ADAM15: variants seen among roughly 807,000 people sequenced by gnomAD.
ADAM15 encodes disintegrin and metalloproteinase domain-containing protein 15.
ADAM15 carries 77 observed loss-of-function variants against 113.8 expected under a neutral mutation model. The observed-to-expected ratio is 0.68, with a 90% CI of 0.56 to 0.82. The LOEUF is 0.82. ADAM15 is among the 40% of genes least tolerant of loss of function. The pLI, the probability that ADAM15 is intolerant of heterozygous loss-of-function variation, is 0.00. For synonymous variants in ADAM15, 388 were observed against 454.1 expected (o/e 0.85, Z 1.85); for missense variants, 963 against 1,120.1 (o/e 0.86, Z 2.00).
intron 1 of ADAM15, chr1:155,052,399 T>A: frequency 8.6e-7 from 1 of 1,158,368 alleles, no homozygotes; most frequent in Non-Finnish European, 1.2e-6. Context: ...AACCTGGGAT[T>A]GGCCGGAAGG....
chr1:155,059,654 TAAAAC>T (rs954906194), intron 16 of ADAM15, among the ~76,000 whole-genome samples: 5 of 151,890 alleles, frequency 3.3e-5, no homozygotes, highest in African/African-American at 7.3e-5. Context: ...TAAAATAAAA[TAAAAC>T]AAAACAAAAC....
At chr1:155,053,623 G>A (rs1661383212) in intron 3 of ADAM15, 130 bp downstream of exon 3, 1 of 977,754 alleles carries the variant, frequency 1.0e-6, no homozygotes. Flanking sequence ...ATACTATCAT[G>A]TATTATTGTC....
intron 18 of ADAM15, 125 bp downstream of exon 18, chr1:155,060,468 C>T (rs1662421201): frequency 7.4e-7 from 1 of 1,342,452 alleles, no homozygotes; most frequent in Non-Finnish European, 1.0e-6. Flanking sequence ...AAGTTGCTGA[C>T]TGCCATACCC....
chr1:155,051,321 C>T lies in ADAM15; in HGVS notation c.-66C>T, dbSNP rs1261785001. On this transcript the variant is annotated 5_prime_UTR_variant, in exon 1 of 23. Coordinates refer to ENST00000356955, the MANE Select transcript of ADAM15 (RefSeq NM_207197.3). ...GCTGGGTTCTCCGAGGCGACCTGGC[C>T]GCCGGCCGCTCCTCCGCGCGCTGTT... 7.9e-6 allele frequency: 10 copies of T among 1,260,078 alleles called. No homozygotes were observed. The South Asian group carries it at 8.0e-5, about 10-fold the overall frequency. 78.1% of individuals were successfully genotyped at this position (1,260,078 alleles called of 1,614,324 possible).
chr1:155,051,754 C>T (rs1413453099), intron 1 of ADAM15: 2 of 335,494 alleles, frequency 6.0e-6, no homozygotes. Flanking sequence ...CTGTCCAGCG[C>T]CACTTCAAGA....
chr1:155,057,983 G>A lies in ADAM15; in HGVS notation c.1549G>A (p.Ala517Thr). Residue 517 changes from alanine (A) to threonine (T), a missense_variant, in exon 14 of 23, where the codon GCT becomes ACT. Physicochemically the swap from Ala to Thr is moderately conservative, Grantham distance 58 (BLOSUM62 0). Coordinates refer to ENST00000356955, the MANE Select transcript of ADAM15 (RefSeq NM_207197.3). This position sits in a 1 kb window ranked among gnomAD's most constrained non-coding sequence, Gnocchi z 5.0. Reference sequence around the variant, plus strand: ...TGGCGAGCCCTGCGCTGGCGGGCAAGCTGTGTGCATGCACGGGCGTTGTGC... The same window carrying A: ...TGGCGAGCCCTGCGCTGGCGGGCAAACTGTGTGCATGCACGGGCGTTGTGC... Reference protein sequence around the residue: ...GDGEPCAGGQAVCMHGRCASY... With the variant: ...GDGEPCAGGQTVCMHGRCASY... 1 of 1,613,242 alleles carries A rather than the reference G, an allele frequency of 6.2e-7. No individual in the cohort carries two copies. The highest frequency in any genetic ancestry group is 8.5e-7 in the Non-Finnish European group (1 of 1,180,040).
In ADAM15 at chr1:155,056,974, G is replaced by A. The variant is rs1393091761; in HGVS notation, c.1021G>A (p.Gly341Arg). Residue 341 changes from glycine (G) to arginine (R), a missense_variant, in exon 11 of 23, where the codon GGA (glycine) becomes AGA (arginine). Gly to Arg is a moderately radical substitution (Grantham distance 125). Transcript: ENST00000356955. The surrounding 1 kb of genome is among the most constrained non-coding windows in gnomAD (Gnocchi z 4.0). The stretch of plus-strand genomic sequence containing the variant: ...ACAGGACCACTCCACCAGCATCCTG[G>A]GAGTCGCCTCCTCCATAGCCCATGA... ...VNMDHSTSIL[G>R]VASSIAHELG... 6.4e-7 allele frequency: 1 copy of A among 1,573,440 alleles called. No homozygotes were observed. The highest frequency in any genetic ancestry group is 1.2e-5 in the South Asian group (1 of 84,510).
intron 1 of ADAM15, 58 bp downstream of exon 1, chr1:155,051,523 T>C: frequency 6.9e-7 from 1 of 1,448,474 alleles, no homozygotes; most frequent in Non-Finnish European, 9.1e-7. Context: ...TGCAGGAAAG[T>C]CGGAAGGCAT....
rs766782689 is a variant in ADAM15, at chr1:155,062,054, C to A, written c.2424+79C>A. 1.9e-5 allele frequency: 28 copies of A among 1,476,794 alleles called. No homozygotes were observed. In the African/African-American group the frequency reaches 3.4e-4, roughly 18 times the overall value. 91.5% of individuals were successfully genotyped at this position (1,476,794 alleles called of 1,614,324 possible). A position where few individuals can be genotyped will look rare whatever the true frequency, so the allele number is the denominator to read the frequency against. The stretch of plus-strand genomic sequence containing the variant: ...TGCTGGTAGCCATGACGGTGGTGGC[C>A]GTGGCGAGATGCCCCCTCAGTGCAT... On this transcript the variant is annotated intron_variant, in intron 21 of 22. Coordinates refer to ENST00000356955, the MANE Select transcript of ADAM15 (RefSeq NM_207197.3). This position sits in a 1 kb window ranked among gnomAD's most constrained non-coding sequence, Gnocchi z 7.0.
At position 155,058,444 on chromosome 1, in the gene ADAM15, G is replaced by T; in HGVS notation, c.1917+3G>T. 6.2e-7 allele frequency: 1 copy of T among 1,610,354 alleles called. No individual in the cohort carries two copies. On this transcript the variant is annotated splice_donor_region_variant and intron_variant, in intron 15 of 22. Coordinates refer to ENST00000356955, the MANE Select transcript of ADAM15 (RefSeq NM_207197.3). This position sits in a 1 kb window ranked among gnomAD's most constrained non-coding sequence, Gnocchi z 4.3. ...GCACAGCCTGTGGCCCTGGCCTGGT[G>T]AGCAGCCTGGGTGGGCAAGACCAGG... is the stretch of plus-strand genomic sequence containing the variant.
In ADAM15 at chr1:155,051,459, A is replaced by G; in HGVS notation, c.73A>G (p.Asn25Asp). Reference protein sequence around the residue: ...GSPLPSWPLPNIGGTEEQQAE... With the variant: ...GSPLPSWPLPDIGGTEEQQAE... ...CCCTCTGCCTTCCTGGCCGCTCCCAAATATAGGTGAGTCCTCCGCCTGGAG... is the reference window on the plus strand; with the variant it reads ...CCCTCTGCCTTCCTGGCCGCTCCCAGATATAGGTGAGTCCTCCGCCTGGAG... The change falls in exon 1 of 23, where the codon AAT becomes GAT. Residue 25 changes from asparagine (N) to aspartate (D), a missense_variant. Asn to Asp is a conservative substitution (Grantham distance 23). Transcript: ENST00000356955. 2 of 1,565,068 alleles carry G rather than the reference A, an allele frequency of 1.3e-6. No individual in the cohort carries two copies. The highest frequency in any genetic ancestry group is 1.7e-6 in the Non-Finnish European group (2 of 1,160,220).
intron 20 of ADAM15, 68 bp downstream of exon 20, chr1:155,061,557 C>T: frequency 6.7e-7 from 1 of 1,495,116 alleles, no homozygotes; most frequent in Non-Finnish European, 9.2e-7. Context: ...CTGCAGTTCT[C>T]ATCCCTGCTC....
Position 155,056,535 on chromosome 1 carries a change from T to C in ADAM15, c.999+65T>C. On this transcript the variant is annotated intron_variant, in intron 10 of 22. Coordinates refer to ENST00000356955, the MANE Select transcript of ADAM15 (RefSeq NM_207197.3). The surrounding 1 kb of genome is among the most constrained non-coding windows in gnomAD (Gnocchi z 4.0). ...TTCCTCCCAAGTGTGGTGGCATTTA[T>C]GCACTGAAACCCCCCTATAAAGTTG... 1 of 1,518,238 alleles carries C rather than the reference T, an allele frequency of 6.6e-7. No individual in the cohort carries two copies. Among genetic ancestry groups the C allele is most frequent in the Non-Finnish European group, 9.1e-7 (1 of 1,099,940 alleles). The allele number at this position is 1,518,238 out of a possible 1,614,324, so 94.0% of individuals were successfully genotyped here.
In ADAM15 at chr1:155,052,657, C is replaced by T; in HGVS notation, c.80-14C>T. ...TTCCCTCAGTACTGTCTTGGGGTGT[C>T]CTGGGACCTGCAGGTGGCACTGAGG... On this transcript the variant is annotated splice_polypyrimidine_tract_variant and intron_variant, in intron 1 of 22. Coordinates refer to ENST00000356955, the MANE Select transcript of ADAM15 (RefSeq NM_207197.3). 1 of 1,592,522 alleles carries T rather than the reference C, an allele frequency of 6.3e-7. No individual in the cohort carries two copies. The highest frequency in any genetic ancestry group is 8.5e-7 in the Non-Finnish European group (1 of 1,170,402).
chr1:155,056,860 A>G lies in ADAM15; in HGVS notation c.1000-93A>G. On this transcript the variant is annotated intron_variant, in intron 10 of 22. Coordinates refer to ENST00000356955, the MANE Select transcript of ADAM15 (RefSeq NM_207197.3). The surrounding 1 kb of genome is among the most constrained non-coding windows in gnomAD (Gnocchi z 4.0). ...GTGCCTGCTGAGTGCCCACGAGGTC[A>G]GACGTGGAGGGAACAGGAGCAGAGA... 6.8e-7 allele frequency: 1 copy of G among 1,480,434 alleles called. No individual in the cohort carries two copies. Among genetic ancestry groups the G allele is most frequent in the African/African-American group, 1.4e-5 (1 of 71,072 alleles). The allele number at this position is 1,480,434 out of a possible 1,614,324, so 91.7% of individuals were successfully genotyped here. A position where few individuals can be genotyped will look rare whatever the true frequency, so the allele number is the denominator to read the frequency against.
chr1:155,055,005 T>C (rs981467288), intron 6 of ADAM15, among the ~76,000 whole-genome samples: 1 of 152,186 alleles, frequency 6.6e-6, no homozygotes, highest in Non-Finnish European at 1.5e-5. Context: ...TATGATCCCA[T>C]TTGCAGAGAG....
At chr1:155,053,286 C>T (rs1431260177) in intron 2 of ADAM15, 131 bp from the exon 3 acceptor site, 33 of 824,692 alleles carry the variant, frequency 4.0e-5, no homozygotes, top group Non-Finnish European at 5.0e-5. Flanking sequence ...GGTTTCCTGG[C>T]CCCTCCCCTG....
At position 155,053,458 on chromosome 1, in the gene ADAM15, C is replaced by T. The variant is rs771402965; in HGVS notation, c.228C>T (p.Asp76=). The T allele has an allele frequency of 3.1e-5, 50 of 1,613,932 alleles. No individual in the cohort carries two copies. The highest frequency in any genetic ancestry group is 5.5e-5 in the South Asian group (5 of 91,086). Residue 76 remains aspartate (D), a synonymous_variant, in exon 3 of 23, where the codon GAC becomes GAT. Coordinates refer to ENST00000356955, the MANE Select transcript of ADAM15 (RefSeq NM_207197.3). The part of the protein sequence containing the change: ...PEPLRIKLEL[D]GDSHILELLQ... ...CCCTGAGGATCAAGTTGGAGCTGGA[C>T]GGTGACAGTCATATCCTGGAGCTGC...
rs1445989731 is a variant in ADAM15 at position 155,054,483 on chromosome 1, CT to C, written c.590del (p.Leu197ArgfsTer13). 8 of 1,584,974 alleles carry C rather than the reference CT, an allele frequency of 5.0e-6. No individual in the cohort carries two copies. The highest frequency in any genetic ancestry group is 1.7e-4 in the Middle Eastern group (1 of 5,968). On this transcript the variant is annotated frameshift_variant, in exon 6 of 23. Coordinates refer to ENST00000356955, the MANE Select transcript of ADAM15 (RefSeq NM_207197.3). LOFTEE classifies it high-confidence loss of function. ...CACTCAGAAGCCACCAGAGCACCCC[CT>C]GGGACAGCGCCACATTCGCCGGGTG... ...VHTQKPPEHPLGQRHIRRRRD... is the reference protein window; with the variant it reads ...VHTQKPPEHPXGQRHIRRRRD...
Sources: gnomAD v4.1 joint callset for allele counts (sites outside exome capture counted in the v4.1 genomes callset) on GRCh38, gnomAD v4.1.1 for gene constraint, Gnocchi (gnomAD v3.1) non-coding constraint, MANE v1.5 for transcripts, NCBI Gene and HGNC (gene_info 2026-07-23, HGNC 2026-07-21) for gene names.